The following SENP7 variants were observed in gnomAD, a reference collection of about 807,000 sequenced individuals.
The protein encoded by SENP7 is sentrin-specific protease 7.
A neutral mutation model predicts 141.2 loss-of-function variants in SENP7; 64 were observed. The observed-to-expected ratio is 0.45, with a 90% confidence interval of 0.37 to 0.56. SENP7 has a LOEUF of 0.56. SENP7 is among the 20% of genes least tolerant of loss of function. The pLI, the probability that SENP7 is intolerant of heterozygous loss-of-function variation, is 0.00. For synonymous variants in SENP7, 382 were observed against 426.4 expected (o/e 0.90, Z 1.28); for missense variants, 1,025 against 1,212.2 (o/e 0.85, Z 2.29).
At chr3:101,444,677 G>T (rs1013864853) in intron 4 of SENP7, among the ~76,000 whole-genome samples, 4 of 147,530 alleles carry the variant, frequency 2.7e-5, no homozygotes, top group Admixed American at 2.1e-4. Context: ...TCACTCATAG[G>T]TGGGAATTGA....
intron 4 of SENP7, among the ~76,000 whole-genome samples, chr3:101,435,515 G>T (rs1482216462): frequency 6.6e-6 from 1 of 151,974 alleles, no homozygotes; most frequent in African/African-American, 2.4e-5. Flanking sequence ...CTGATGACAT[G>T]ATCCAATGTT....
intron 5 of SENP7, among the ~76,000 whole-genome samples, chr3:101,400,678 TC>T (rs2061109576): frequency 6.6e-6 from 1 of 151,364 alleles, no homozygotes; most frequent in Admixed American, 6.6e-5. Context: ...TCTCTCTCTC[TC>T]CTCAGGCCTC....
chr3:101,466,154 A>G (rs2063751473), intron 3 of SENP7, among the ~76,000 whole-genome samples: 1 of 152,176 alleles, frequency 6.6e-6, no homozygotes, highest in Non-Finnish European at 1.5e-5. Context: ...GCGACCAAAT[A>G]TTCAAATTAT....
intron 6 of SENP7, 66 bp from the exon 7 acceptor site, chr3:101,372,192 C>G: frequency 1.3e-6 from 1 of 764,796 alleles, no homozygotes; most frequent in Non-Finnish European, 2.0e-6. Context: ...AGCCAACTAG[C>G]ATGTATTTAA....
chr3:101,392,181 G>A (rs1264287359), intron 6 of SENP7, among the ~76,000 whole-genome samples: 9 of 152,154 alleles, frequency 5.9e-5, no homozygotes, highest in Admixed American at 2.6e-4. Context: ...CCACCTTCAC[G>A]ACTCTTATTC....
rs764225434 is a variant in SENP7 at position 101,399,019 on chromosome 3, C to T, written c.519G>A (p.Thr173=). 16 of 1,612,820 alleles carry T rather than the reference C, an allele frequency of 9.9e-6. No individual in the cohort carries two copies. The highest frequency in any genetic ancestry group is 4.5e-5 in the East Asian group (2 of 44,842). Residue 173 remains threonine (T), a synonymous_variant, in exon 6 of 24, where the codon ACG becomes ACA. Transcript: ENST00000394095. The part of the protein sequence containing the change: ...PRVILTNVLG[T]ELGRKYIRTP... ...TCCTTATGTATTTTCTTCCTAACTC[C>T]GTTCCCAGGACATTCGTCAATATAA...
chr3:101,469,239 C>A (rs1354683698), intron 3 of SENP7, among the ~76,000 whole-genome samples: 1 of 151,938 alleles, frequency 6.6e-6, no homozygotes, highest in Non-Finnish European at 1.5e-5. Flanking sequence ...ACAGGAGCAC[C>A]CAGATTCATA....
chr3:101,388,943 T>C (rs1227969264), intron 6 of SENP7, among the ~76,000 whole-genome samples: 2 of 149,956 alleles, frequency 1.3e-5, no homozygotes, highest in Admixed American at 6.6e-5. Flanking sequence ...AACAGACACA[T>C]AAAAAAAGAA....
chr3:101,403,846 C>A (rs1279622036), intron 5 of SENP7, among the ~76,000 whole-genome samples: 1 of 152,042 alleles, frequency 6.6e-6, no homozygotes, highest in African/African-American at 2.4e-5. Context: ...AATAATATAC[C>A]TCTGAATACA....
At chr3:101,331,563 A>AAAT (rs58803980) in intron 19 of SENP7, among the ~76,000 whole-genome samples, 13 of 150,244 alleles carry the variant, frequency 8.7e-5, no homozygotes, top group African/African-American at 1.7e-4. Flanking sequence ...ATGTCAATGG[A>AAAT]AATAATAATA....
At chr3:101,429,431 A>G (rs1210145145) in intron 4 of SENP7, among the ~76,000 whole-genome samples, 1 of 152,046 alleles carries the variant, frequency 6.6e-6, no homozygotes, top group African/African-American at 2.4e-5. Context: ...TTGGATTCCT[A>G]GGTATTTTAT....
chr3:101,405,256 ACT>A (rs1304755299), intron 5 of SENP7, among the ~76,000 whole-genome samples: 2 of 151,996 alleles, frequency 1.3e-5, no homozygotes, highest in East Asian at 1.9e-4. Flanking sequence ...AGGTCACAAG[ACT>A]CTGTGCAGAC....
chr3:101,484,385 G>A (rs2064634651), intron 3 of SENP7, among the ~76,000 whole-genome samples: 1 of 152,164 alleles, frequency 6.6e-6, no homozygotes, highest in African/African-American at 2.4e-5. Context: ...GTGGACAGGA[G>A]GCAGGACCAG....
At chr3:101,427,358 T>C (rs1462644754) in intron 4 of SENP7, among the ~76,000 whole-genome samples, 2 of 151,906 alleles carry the variant, frequency 1.3e-5, no homozygotes, top group Non-Finnish European at 1.5e-5. Context: ...GGAGTGGTGG[T>C]GCACACCTTT....
chr3:101,438,047 G>C (rs2062457739), intron 4 of SENP7, among the ~76,000 whole-genome samples: 1 of 152,058 alleles, frequency 6.6e-6, no homozygotes, highest in Admixed American at 6.6e-5. Flanking sequence ...TACAGCAGTT[G>C]TTCAAGAAAT....
chr3:101,477,706 C>G (rs950015490), intron 3 of SENP7, among the ~76,000 whole-genome samples: 2 of 151,844 alleles, frequency 1.3e-5, no homozygotes, highest in Admixed American at 1.3e-4. Flanking sequence ...CAAAAATTAG[C>G]TGAGTGTGGT....
intron 3 of SENP7, among the ~76,000 whole-genome samples, chr3:101,462,586 G>A (rs2063583365): frequency 6.7e-6 from 1 of 149,174 alleles, no homozygotes; most frequent in Non-Finnish European, 1.5e-5. Context: ...AGAATAAAGA[G>A]ACCAGGTGCA....
intron 4 of SENP7, among the ~76,000 whole-genome samples, chr3:101,429,948 G>C (rs922136648): frequency 3.3e-5 from 5 of 152,152 alleles, no homozygotes; most frequent in African/African-American, 9.7e-5. Flanking sequence ...AGATAATCAT[G>C]TGGTTTTTGT....
chr3:101,365,655 A>AAAAG (rs1383057291), intron 9 of SENP7, among the ~76,000 whole-genome samples: 1 of 151,558 alleles, frequency 6.6e-6, no homozygotes, highest in African/African-American at 2.4e-5. Flanking sequence ...AAAAAAAAAA[A>AAAAG]AAGAACTTTC....
Sources: gnomAD v4.1 joint callset for allele counts (sites outside exome capture counted in the v4.1 genomes callset) on GRCh38, gnomAD v4.1.1 for gene constraint, MANE v1.5 for transcripts, NCBI Gene and HGNC (gene_info 2026-07-23, HGNC 2026-07-21) for gene names.